Variants in DCTN6 observed in about 807,000 individuals in gnomAD.
DCTN6 encodes the protein dynactin 6.
Under a neutral mutation model 25.8 loss-of-function variants are expected in DCTN6, and 15 were observed. The observed-to-expected ratio is 0.58, with a 90% confidence interval of 0.39 to 0.89. The LOEUF is 0.89. Among genes scored for constraint, DCTN6 ranks in the 40% least tolerant of loss-of-function variants. The pLI is 0.00. For missense variants in DCTN6, 198 were observed against 237.6 expected (o/e 0.83, Z 1.09); for synonymous variants, 64 against 78.3 (o/e 0.82, Z 0.96).
intron 1 of DCTN6, among the ~76,000 whole-genome samples, chr8:30,163,350 G>A (rs1390372926): frequency 6.6e-6 from 1 of 152,070 alleles, no homozygotes; most frequent in Non-Finnish European, 1.5e-5. Context: ...TTGAATTCCT[G>A]GGCTTAAGCA....
At chr8:30,165,453 A>C (rs553155078) in intron 2 of DCTN6, among the ~76,000 whole-genome samples, 15 of 151,918 alleles carry the variant, frequency 9.9e-5, no homozygotes, top group Admixed American at 5.3e-4. Context: ...AAAAAAAAAA[A>C]AACCCTGTAA....
chr8:30,169,561 A>G (rs1003680257), intron 2 of DCTN6, among the ~76,000 whole-genome samples: 5 of 152,172 alleles, frequency 3.3e-5, no homozygotes, highest in Admixed American at 1.3e-4. Context: ...AAAATACACA[A>G]ACTACCCCGC....
intron 1 of DCTN6, among the ~76,000 whole-genome samples, chr8:30,159,850 C>G (rs1481817593): frequency 6.6e-5 from 10 of 151,754 alleles, no homozygotes; most frequent in Non-Finnish European, 1.5e-4. Flanking sequence ...CAACCTCTAC[C>G]TCCTGGGCTC....
At chr8:30,157,693 G>T (rs1163382829) in intron 1 of DCTN6, among the ~76,000 whole-genome samples, 4 of 151,962 alleles carry the variant, frequency 2.6e-5, no homozygotes, top group East Asian at 1.9e-4. Flanking sequence ...CATTGCTGGG[G>T]GCTGTTGGTG....
chr8:30,179,542 G>A, intron 5 of DCTN6, 87 bp downstream of exon 5: 1 of 1,211,004 alleles, frequency 8.3e-7, no homozygotes. Flanking sequence ...AGAAACTGTG[G>A]CAAGGTGTTG....
chr8:30,172,616 A>C (rs956743515), intron 2 of DCTN6, among the ~76,000 whole-genome samples: 1 of 151,830 alleles, frequency 6.6e-6, no homozygotes, highest in Non-Finnish European at 1.5e-5. Context: ...ATGCCTGGCT[A>C]ATTTTTTTGT....
At chr8:30,166,333 G>A (rs1057268057) in intron 2 of DCTN6, among the ~76,000 whole-genome samples, 1 of 50,908 alleles carries the variant, frequency 2.0e-5, no homozygotes, top group African/African-American at 7.6e-5. Flanking sequence ...TTTTTTTTTT[G>A]AGACAGGGTC....
intron 2 of DCTN6, among the ~76,000 whole-genome samples, chr8:30,166,686 G>A (rs1803680632): frequency 6.6e-6 from 1 of 152,006 alleles, no homozygotes; most frequent in South Asian, 2.1e-4. Flanking sequence ...GAGTTTTAGG[G>A]GTATCAGGGA....
intron 4 of DCTN6, among the ~76,000 whole-genome samples, chr8:30,178,598 G>A (rs978550892): frequency 6.6e-6 from 1 of 151,824 alleles, no homozygotes; most frequent in Admixed American, 6.6e-5. Flanking sequence ...ATTGAACTAT[G>A]AGCATAAAAC....
intron 1 of DCTN6, among the ~76,000 whole-genome samples, chr8:30,162,151 G>T (rs928012935): frequency 6.6e-6 from 1 of 151,462 alleles, no homozygotes; most frequent in Non-Finnish European, 1.5e-5. Flanking sequence ...GTGCAGTGGC[G>T]CTACCTCGGC....
intron 6 of DCTN6, among the ~76,000 whole-genome samples, chr8:30,182,681 G>A (rs1328801741): frequency 6.7e-6 from 1 of 149,730 alleles, no homozygotes; most frequent in Non-Finnish European, 1.5e-5. Flanking sequence ...AATAACCATT[G>A]CTACCTGGAA....
At chr8:30,163,881 T>G (rs555441241) in intron 1 of DCTN6, among the ~76,000 whole-genome samples, 21 of 152,100 alleles carry the variant, frequency 1.4e-4, no homozygotes, top group Non-Finnish European at 2.5e-4. Flanking sequence ...TTTGTATTTT[T>G]AGTAGAGATG....
At chr8:30,174,156 T>G (rs1461000322) in intron 2 of DCTN6, among the ~76,000 whole-genome samples, 1 of 152,182 alleles carries the variant, frequency 6.6e-6, no homozygotes, top group Admixed American at 6.5e-5. Flanking sequence ...CACCTTTGGG[T>G]CCTTCTGCTG....
intron 1 of DCTN6, among the ~76,000 whole-genome samples, chr8:30,160,948 C>T (rs969138563): frequency 6.6e-6 from 1 of 152,158 alleles, no homozygotes; most frequent in African/African-American, 2.4e-5. Flanking sequence ...GTTGCCAAGT[C>T]TTGTTTCTAT....
chr8:30,168,849 C>G (rs768154022), intron 2 of DCTN6, among the ~76,000 whole-genome samples: 4 of 152,158 alleles, frequency 2.6e-5, no homozygotes, highest in Non-Finnish European at 5.9e-5. Flanking sequence ...AGTAACAGCC[C>G]TCTTGTTAAT....
rs758239607 is a variant in DCTN6 at position 30,183,090 on chromosome 8, C to T, written c.490C>T (p.Leu164=). Residue 164 remains leucine, a synonymous_variant, in exon 7 of 7, where the codon CTG becomes TTG. Transcript: ENST00000221114. The part of the protein sequence containing the change: ...TERPQPQTLQ[L]DFLMKILPNY... The stretch of plus-strand genomic sequence containing the variant: ...ATCTTTTTAGCCCCAGACACTACAG[C>T]TGGATTTCTTGATGAAAATCTTGCC... 1 of 1,614,048 alleles carries T rather than the reference C, an allele frequency of 6.2e-7. No homozygotes were observed. The highest frequency in any genetic ancestry group is 1.7e-5 in the Admixed American group (1 of 60,014).
chr8:30,181,454 T>G (rs985756073), intron 6 of DCTN6, among the ~76,000 whole-genome samples: 1 of 152,188 alleles, frequency 6.6e-6, no homozygotes, highest in Non-Finnish European at 1.5e-5. Context: ...TCAAGAATAA[T>G]GTAGAGTACA....
intron 2 of DCTN6, among the ~76,000 whole-genome samples, chr8:30,167,111 GAGAA>G (rs1197022332): frequency 6.6e-6 from 1 of 151,122 alleles, no homozygotes; most frequent in Non-Finnish European, 1.5e-5. Flanking sequence ...GGAAGAGAAA[GAGAA>G]AGGGAAGGAA....
intron 2 of DCTN6, among the ~76,000 whole-genome samples, chr8:30,172,182 G>A (rs559157789): frequency 2.0e-4 from 31 of 152,132 alleles, no homozygotes; most frequent in African/African-American, 7.0e-4. Flanking sequence ...TCACAGCCCC[G>A]AAAGTTGTGA....
Sources: gnomAD v4.1 joint callset for allele counts (sites outside exome capture counted in the v4.1 genomes callset) on GRCh38, gnomAD v4.1.1 for gene constraint, MANE v1.5 for transcripts, NCBI Gene and HGNC (gene_info 2026-07-23, HGNC 2026-07-21) for gene names.